The following MEGF9 variants were observed in gnomAD, a reference collection of about 807,000 sequenced individuals.
MEGF9 encodes the protein multiple epidermal growth factor-like domains protein 9.
A neutral mutation model predicts 46.8 loss-of-function variants in MEGF9; 6 were observed. The observed-to-expected ratio is 0.13, with a 90% CI of 0.07 to 0.25. The LOEUF (loss-of-function observed/expected upper bound fraction) is 0.25, where lower values mean the gene tolerates loss of function less well. MEGF9 is among the 10% of genes least tolerant of loss of function. The pLI is 1.00. For synonymous variants in MEGF9, 302 were observed against 330.7 expected, an observed-to-expected ratio of 0.91 and a Z score of 0.94; for missense variants, 683 against 792.4, an observed-to-expected ratio of 0.86 and a Z score of 1.66.
At chr9:120,624,046 T>G (rs1460597860) in intron 2 of MEGF9, among the ~76,000 whole-genome samples, 3 of 152,246 alleles carry the variant, frequency 2.0e-5, no homozygotes, top group African/African-American at 7.2e-5. Flanking sequence ...AACCATAATA[T>G]AGCCAATGTT....
intron 1 of MEGF9, among the ~76,000 whole-genome samples, chr9:120,668,086 T>C (rs557009873): frequency 0.016 from 2,411 of 152,298 alleles, 59 homozygotes; most frequent in African/African-American, 0.055. Context: ...AGGCCTGATT[T>C]CCTAAGTATA....
At chr9:120,659,769 T>A (rs1483664654) in intron 1 of MEGF9, among the ~76,000 whole-genome samples, 194 bp from the exon 2 acceptor site, 1 of 147,642 alleles carries the variant, frequency 6.8e-6, no homozygotes, top group Admixed American at 7.0e-5. Context: ...GTACATAAAT[T>A]ATGTAGTGTG....
intron 2 of MEGF9, among the ~76,000 whole-genome samples, chr9:120,636,801 C>G (rs1360450912): frequency 1.3e-5 from 2 of 152,024 alleles, no homozygotes; most frequent in Non-Finnish European, 2.9e-5. Flanking sequence ...CGGCAGCCGC[C>G]CCGTCTGGGA....
intron 1 of MEGF9, among the ~76,000 whole-genome samples, chr9:120,664,259 T>G (rs2132324894): frequency 6.6e-6 from 1 of 152,280 alleles, no homozygotes; most frequent in Non-Finnish European, 1.5e-5. Flanking sequence ...TAGAGAATAT[T>G]TGGTATGTTC....
At chr9:120,700,687 C>T (rs1206960665) in intron 1 of MEGF9, among the ~76,000 whole-genome samples, 1 of 152,072 alleles carries the variant, frequency 6.6e-6, no homozygotes, top group Non-Finnish European at 1.5e-5. Context: ...ATTAATAGGA[C>T]TTAAGAGAAT....
At position 120,612,925 on chromosome 9, in the gene MEGF9, C is replaced by CTT. The variant is rs58019064; in HGVS notation, c.944-388_944-387dup. On this transcript the variant is annotated intron_variant, in intron 3 of 5. Coordinates refer to ENST00000373930, the MANE Select transcript of MEGF9 (RefSeq NM_001080497.3). ...CATACATGCATGAACATGCACAAAT[C>CTT]TTTTTTTTTTTTTTTTTTTTAGAGA... 5.2e-5 allele frequency among the ~76,000 whole-genome samples: 7 copies of CTT among 135,154 alleles called. 1 individual carries two copies. In the South Asian group the frequency reaches 1.6e-3, roughly 32 times the overall value. 88.7% of individuals were successfully genotyped at this position (135,154 alleles called of 152,430 possible). A position where few individuals can be genotyped will look rare whatever the true frequency, so the allele number is the denominator to read the frequency against.
chr9:120,685,127 C>G (rs542958504), intron 1 of MEGF9, among the ~76,000 whole-genome samples: 7 of 152,328 alleles, frequency 4.6e-5, no homozygotes, highest in African/African-American at 1.7e-4. Context: ...AGCCACCACA[C>G]CCGGCCGGGA....
At chr9:120,655,464 T>C (rs917845208) in intron 2 of MEGF9, among the ~76,000 whole-genome samples, 9 of 152,328 alleles carry the variant, frequency 5.9e-5, no homozygotes, top group African/African-American at 2.2e-4. Flanking sequence ...TATGATGCTG[T>C]GTGACAATGA....
At chr9:120,677,572 T>G (rs963499076) in intron 1 of MEGF9, among the ~76,000 whole-genome samples, 1 of 152,354 alleles carries the variant, frequency 6.6e-6, no homozygotes, top group African/African-American at 2.4e-5. Flanking sequence ...TTTCAGCTGG[T>G]ACACCTTAAC....
intron 1 of MEGF9, among the ~76,000 whole-genome samples, chr9:120,689,633 A>G (rs1321698656): frequency 6.6e-6 from 1 of 152,170 alleles, no homozygotes; most frequent in Non-Finnish European, 1.5e-5. Context: ...ATTTATCATT[A>G]CCTGTGCACC....
intron 2 of MEGF9, among the ~76,000 whole-genome samples, chr9:120,641,105 C>T (rs541887439): frequency 1.3e-5 from 2 of 152,232 alleles, no homozygotes; most frequent in Admixed American, 6.5e-5. Context: ...ATCCATTCTA[C>T]AATTTATGGA....
chr9:120,678,180 A>G (rs1254891015), intron 1 of MEGF9, among the ~76,000 whole-genome samples: 1 of 152,200 alleles, frequency 6.6e-6, no homozygotes, highest in Non-Finnish European at 1.5e-5. Context: ...CATTTACTTT[A>G]TCCATTAGTC....
intron 2 of MEGF9, among the ~76,000 whole-genome samples, chr9:120,652,142 GCACACACACACACA>G (rs869130385): frequency 0.013 from 342 of 26,102 alleles, 17 homozygotes; most frequent in African/African-American, 0.045. Flanking sequence ...AAACAAACAA[GCACACACACACACA>G]CACACACACA....
intron 1 of MEGF9, among the ~76,000 whole-genome samples, chr9:120,709,200 G>A (rs1588002914): frequency 6.6e-6 from 1 of 152,090 alleles, no homozygotes; most frequent in African/African-American, 2.4e-5. Context: ...GCTGAAGCGG[G>A]TAGATCAGGA....
intron 1 of MEGF9, among the ~76,000 whole-genome samples, chr9:120,663,484 A>G (rs945167152): frequency 6.6e-6 from 1 of 152,208 alleles, no homozygotes; most frequent in Admixed American, 6.5e-5. Flanking sequence ...AGGTGGCAAT[A>G]TGAAAAAGAA....
intron 4 of MEGF9, among the ~76,000 whole-genome samples, chr9:120,611,808 GAAAGA>G (rs760901512): frequency 2.6e-4 from 34 of 132,778 alleles, no homozygotes; most frequent in African/African-American, 8.6e-4. Context: ...AGGAAAGAAA[GAAAGA>G]AAAGAAAAGA....
chr9:120,675,180 A>C (rs2043767306), intron 1 of MEGF9, among the ~76,000 whole-genome samples: 1 of 152,218 alleles, frequency 6.6e-6, no homozygotes, highest in South Asian at 2.1e-4. Flanking sequence ...TAATCACCAA[A>C]CATTGGAAAT....
Position 120,659,459 on chromosome 9 carries a change from C to T in MEGF9, c.718G>A (p.Glu240Lys). 1 of 1,613,872 alleles carries T rather than the reference C, an allele frequency of 6.2e-7. No individual in the cohort carries two copies. Among genetic ancestry groups the T allele is most frequent in the Non-Finnish European group, 8.5e-7 (1 of 1,179,870 alleles). The part of the protein sequence containing the change: ...YQGLHCETCK[E>K]GFYLNYTSGL... The stretch of plus-strand genomic sequence containing the variant: ...GAAGTGTAATTTAGGTAAAAGCCCT[C>T]TTTGCAGGTTTCACAGTGAAGCCCC... Residue 240 changes from glutamate (E) to lysine (K), a missense_variant, in exon 2 of 6, where the codon GAG becomes AAG. By Grantham distance (56) the Glu-to-Lys change is moderately conservative. Around this residue, in one of 2 missense-constraint regions of MEGF9, gnomAD observed 370 missense variants for 371.3 expected, o/e 1.00. Coordinates refer to ENST00000373930, the MANE Select transcript of MEGF9 (RefSeq NM_001080497.3).
intron 1 of MEGF9, among the ~76,000 whole-genome samples, chr9:120,686,225 G>C (rs562288765): frequency 1.5e-3 from 226 of 152,042 alleles, no homozygotes; most frequent in Non-Finnish European, 2.0e-3. Context: ...TGAGCAGCTG[G>C]GACTACAGGT....
Sources: gnomAD v4.1 joint callset for allele counts (sites outside exome capture counted in the v4.1 genomes callset) on GRCh38, gnomAD v4.1.1 for gene constraint, gnomAD v4.1.1 regional missense constraint, MANE v1.5 for transcripts, NCBI Gene and HGNC (gene_info 2026-07-23, HGNC 2026-07-21) for gene names.